Variants in ALPK1 observed in about 807,000 individuals in gnomAD.
ALPK1 encodes alpha kinase 1, also known as alpha-protein kinase 1.
Under a neutral mutation model 120.6 loss-of-function variants are expected in ALPK1, and 110 were observed. That is an observed-to-expected ratio of 0.91 (90% CI 0.78 to 1.07). The LOEUF is 1.07. Among genes scored for constraint, ALPK1 ranks in the 50% least tolerant of loss-of-function variants. The pLI is 0.00. For synonymous variants in ALPK1, 582 were observed against 560.3 expected (o/e 1.04, Z -0.55); for missense variants, 1,498 against 1,483.9 (o/e 1.01, Z -0.16).
At chr4:112,440,015 A>G (rs1222495286) in intron 14 of ALPK1, 143 bp downstream of exon 14, 28 of 745,612 alleles carry the variant, frequency 3.8e-5, no homozygotes, top group Non-Finnish European at 5.5e-5. Context: ...CTTACTATAT[A>G]TAGCAAATAA....
At chr4:112,401,093 G>A (rs1460263726) in intron 4 of ALPK1, among the ~76,000 whole-genome samples, 1 of 152,304 alleles carries the variant, frequency 6.6e-6, no homozygotes, top group African/African-American at 2.4e-5. Flanking sequence ...GGTCTGGGCT[G>A]CCATCTGGGC....
At chr4:112,429,389 C>T (rs1734424991) in intron 10 of ALPK1, 136 bp downstream of exon 10, 1 of 670,832 alleles carries the variant, frequency 1.5e-6, no homozygotes, top group Admixed American at 3.0e-5. Flanking sequence ...GATAAGACTC[C>T]ACACCACATA....
rs115346325 is a variant in ALPK1 at position 112,314,414 on chromosome 4, C to T, written c.-152-1387C>T. On this transcript the variant is annotated intron_variant, in intron 1 of 15. Transcript: ENST00000650871. ...GGACAAGATGGGTAGTAGTGAATAG[C>T]GAGAGAGATTCGTGAATTTGAAAAT... Among the ~76,000 whole-genome samples, 455 of 152,122 alleles carry T rather than the reference C, an allele frequency of 3.0e-3. 1 individual carries two copies. The highest frequency in any genetic ancestry group is 5.3e-3 in the Non-Finnish European group (361 of 68,014).
chr4:112,438,760 T>C (rs1734900294), intron 13 of ALPK1, 114 bp downstream of exon 13: 2 of 1,203,342 alleles, frequency 1.7e-6, no homozygotes, highest in Non-Finnish European at 2.4e-6. Context: ...ACTATCCTTG[T>C]GTGTTGTCCC....
At chr4:112,301,441 G>A (rs769602052) in intron 1 of ALPK1, among the ~76,000 whole-genome samples, 6 of 152,110 alleles carry the variant, frequency 3.9e-5, no homozygotes, top group East Asian at 1.9e-4. Context: ...TGTTAGAAGC[G>A]CCCTTACTGT....
intron 4 of ALPK1, among the ~76,000 whole-genome samples, chr4:112,392,383 T>C (rs1732458048): frequency 1.3e-5 from 2 of 152,198 alleles, no homozygotes; most frequent in Admixed American, 1.3e-4. Context: ...TCTAATAATT[T>C]TCCTCTTAGA....
chr4:112,432,240 TC>T lies in ALPK1; in HGVS notation c.2696del (p.Pro899LeufsTer20). On this transcript the variant is annotated frameshift_variant, in exon 11 of 16. Coordinates refer to ENST00000650871, the MANE Select transcript of ALPK1 (RefSeq NM_025144.4). LOFTEE classifies it high-confidence loss of function. ...TCCTCTGTAAGCGGTAACATCCTCTTCCCTGTCCTCAGCGAGGACTGCACTA... is the reference window on the plus strand; with the variant it reads ...TCCTCTGTAAGCGGTAACATCCTCTTCCTGTCCTCAGCGAGGACTGCACTA... The part of the protein sequence containing the change: ...PNSSVSGNIL[F>X]PVLSEDCTTT... 1 of 1,614,170 alleles carries T rather than the reference TC, an allele frequency of 6.2e-7. No homozygotes were observed. Among genetic ancestry groups the T allele is most frequent in the Non-Finnish European group, 8.5e-7 (1 of 1,180,034 alleles).
chr4:112,298,920 T>C (rs1727664005), intron 1 of ALPK1, among the ~76,000 whole-genome samples: 1 of 152,186 alleles, frequency 6.6e-6, no homozygotes, highest in Non-Finnish European at 1.5e-5. Context: ...CATGAATTGC[T>C]TTTATTATTC....
In ALPK1 at chr4:112,423,909, AG is replaced by A. The variant is rs768931876; in HGVS notation, c.476-34del. ...TTGTAATTGTTAAGTGCATGTTCAA[AG>A]CTAATTGTGTGGCATTTGGTTGCTG... On this transcript the variant is annotated intron_variant, in intron 5 of 15. Transcript: ENST00000650871. 4 of 1,611,588 alleles carry A rather than the reference AG, an allele frequency of 2.5e-6. No homozygotes were observed. In the South Asian group the frequency reaches 3.3e-5, roughly 13 times the overall value.
Position 112,441,359 on chromosome 4 carries a change from A to T in ALPK1, c.*149A>T, listed in dbSNP as rs1735034797. ...CCTGCAGAGCCTCTTTCCCTCTGCCACAGTTATCAAGAATGGGTCAGGAGA... is the reference window on the plus strand; with the variant it reads ...CCTGCAGAGCCTCTTTCCCTCTGCCTCAGTTATCAAGAATGGGTCAGGAGA... On this transcript the variant is annotated 3_prime_UTR_variant, in exon 16 of 16. Transcript: ENST00000650871. 1.1e-5 allele frequency: 8 copies of T among 744,768 alleles called. No individual in the cohort carries two copies. The highest frequency in any genetic ancestry group is 2.0e-5 in the Non-Finnish European group (8 of 408,536). 46.1% of individuals were successfully genotyped at this position (744,768 alleles called of 1,614,324 possible). A position where few individuals can be genotyped will look rare whatever the true frequency, so the allele number is the denominator to read the frequency against.
At chr4:112,403,246 A>G (rs1344381256) in intron 4 of ALPK1, among the ~76,000 whole-genome samples, 2 of 148,304 alleles carry the variant, frequency 1.3e-5, no homozygotes, top group Non-Finnish European at 3.0e-5. Flanking sequence ...TCCCAGGATG[A>G]TGATGTATTC....
At chr4:112,346,151 C>T (rs552397538) in intron 2 of ALPK1, among the ~76,000 whole-genome samples, 3 of 152,222 alleles carry the variant, frequency 2.0e-5, no homozygotes, top group Non-Finnish European at 4.4e-5. Flanking sequence ...GTGTGAGCCA[C>T]CACGTCCAGC....
intron 14 of ALPK1, among the ~76,000 whole-genome samples, chr4:112,440,142 T>C (rs969858319): frequency 1.3e-5 from 2 of 152,168 alleles, no homozygotes; most frequent in Non-Finnish European, 2.9e-5. Flanking sequence ...CTATAACAGC[T>C]TTTTTTATTT....
At chr4:112,379,549 C>G (rs1169492507) in intron 3 of ALPK1, among the ~76,000 whole-genome samples, 1 of 152,266 alleles carries the variant, frequency 6.6e-6, no homozygotes, top group Non-Finnish European at 1.5e-5. Flanking sequence ...CGGATCCCTT[C>G]CCTCGGCAGG....
chr4:112,416,572 C>A (rs1264671453), intron 5 of ALPK1, among the ~76,000 whole-genome samples: 1 of 151,940 alleles, frequency 6.6e-6, no homozygotes, highest in Non-Finnish European at 1.5e-5. Flanking sequence ...GTATATCTAG[C>A]CTTGGGCAAA....
chr4:112,356,085 A>G, intron 2 of ALPK1: 1 of 1,088,134 alleles, frequency 9.2e-7, no homozygotes, highest in South Asian at 1.3e-5. Context: ...CACAGACCCG[A>G]ATAGCCTGCC....
chr4:112,305,142 G>A (rs1727978130), intron 1 of ALPK1, among the ~76,000 whole-genome samples: 1 of 151,990 alleles, frequency 6.6e-6, no homozygotes, highest in Admixed American at 6.6e-5. Flanking sequence ...ATGCTGTTTT[G>A]GTTACCGTAG....
chr4:112,308,887 C>T lies in ALPK1; in HGVS notation c.-152-6914C>T, dbSNP rs183342546. On this transcript the variant is annotated intron_variant, in intron 1 of 15. Transcript: ENST00000650871. Reference sequence around the variant, plus strand: ...TCCCCATCTTTGTGGTTTTATCTACCTTTGGTCTTTGATGATGGTGACGTA... The same window carrying T: ...TCCCCATCTTTGTGGTTTTATCTACTTTTGGTCTTTGATGATGGTGACGTA... 2.5e-4 allele frequency among the ~76,000 whole-genome samples: 38 copies of T among 152,022 alleles called. 1 individual carries two copies. The highest frequency in any genetic ancestry group is 8.2e-4 in the African/African-American group (34 of 41,400).
intron 2 of ALPK1, chr4:112,358,934 C>A: frequency 2.6e-6 from 2 of 769,112 alleles, no homozygotes; most frequent in Admixed American, 3.4e-5. Flanking sequence ...ACAGCCAGCT[C>A]CAGGGCTTCT....
Sources: gnomAD v4.1 joint callset for allele counts (sites outside exome capture counted in the v4.1 genomes callset) on GRCh38, gnomAD v4.1.1 for gene constraint, MANE v1.5 for transcripts, NCBI Gene and HGNC (gene_info 2026-07-23, HGNC 2026-07-21) for gene names.